Variants in NTM observed in about 807,000 individuals in gnomAD.
NTM encodes the protein IgLON family member 2.
NTM carries 13 observed loss-of-function variants against 42.1 expected under a neutral mutation model. That is an observed-to-expected ratio of 0.31 (90% confidence interval 0.20 to 0.49). The LOEUF (loss-of-function observed/expected upper bound fraction) is 0.49. Among genes scored for constraint, NTM ranks in the 20% least tolerant of loss-of-function variants. The pLI is 0.99. For synonymous variants in NTM, 187 were observed against 179.2 expected (o/e 1.04, Z -0.35); for missense variants, 373 against 452.8 (o/e 0.82, Z 1.60).
chr11:131,398,405 T>G (rs1475872625), intron 1 of NTM, among the ~76,000 whole-genome samples: 3 of 152,190 alleles, frequency 2.0e-5, no homozygotes, highest in African/African-American at 7.2e-5. Flanking sequence ...TAATGTATTT[T>G]TTTCTAATTT....
At chr11:132,043,021 A>G (rs557194) in intron 2 of NTM, among the ~76,000 whole-genome samples, 64,189 of 152,020 alleles carry the variant, frequency 0.42, 15,787 homozygotes, top group East Asian at 0.81. Flanking sequence ...AAGTATGAAG[A>G]GGCCTTGATT....
intron 7 of NTM, among the ~76,000 whole-genome samples, chr11:132,326,185 TA>T (rs563729013): frequency 5.3e-5 from 8 of 151,630 alleles, no homozygotes; most frequent in East Asian, 1.9e-4. Flanking sequence ...AAATAAAAAA[TA>T]AAAAAAGTGG....
At chr11:132,137,819 C>A (rs2068238168) in intron 2 of NTM, among the ~76,000 whole-genome samples, 1 of 152,148 alleles carries the variant, frequency 6.6e-6, no homozygotes, top group Admixed American at 6.5e-5. Context: ...GGCAGAACAA[C>A]AGGAGGCCAG....
At chr11:131,531,270 C>T (rs2051236511) in intron 1 of NTM, among the ~76,000 whole-genome samples, 2 of 152,100 alleles carry the variant, frequency 1.3e-5, no homozygotes, top group South Asian at 4.1e-4. Flanking sequence ...TGAGAAATAG[C>T]TGGGACTATA....
intron 2 of NTM, among the ~76,000 whole-genome samples, chr11:131,966,265 A>C (rs980825853): frequency 5.9e-5 from 9 of 152,202 alleles, no homozygotes; most frequent in African/African-American, 1.9e-4. Flanking sequence ...TAAGAGTTGC[A>C]GTAAAGGCAC....
intron 7 of NTM, among the ~76,000 whole-genome samples, chr11:132,320,765 T>A (rs1457433015): frequency 4.0e-5 from 6 of 151,612 alleles, no homozygotes; most frequent in Admixed American, 3.9e-4. Flanking sequence ...TCTGCAGACT[T>A]AAATGTCCCT....
rs188118720 is a variant in NTM at position 132,258,872 on chromosome 11, G to A, written c.526+46725G>A. Among the ~76,000 whole-genome samples the A allele has an allele frequency of 1.1e-3, 161 of 152,322 alleles. 1 individual carries two copies. The highest frequency in any genetic ancestry group is 1.9e-3 in the Non-Finnish European group (129 of 68,024). On this transcript the variant is annotated intron_variant, in intron 4 of 8. Transcript: ENST00000683400. ...AGTGACAGACATCCTTCGTGTGTGT[G>A]ACAGTCAAACTGAATGTTCAGTTCA...
At chr11:131,500,378 C>G (rs375568) in intron 1 of NTM, among the ~76,000 whole-genome samples, 47,180 of 151,414 alleles carry the variant, frequency 0.31, 7,521 homozygotes, top group Middle Eastern at 0.33. Context: ...TCTCAATGAA[C>G]CCTGTTCCCT....
intron 3 of NTM, among the ~76,000 whole-genome samples, chr11:132,183,588 A>G (rs945634877): frequency 4.0e-5 from 6 of 151,836 alleles, no homozygotes; most frequent in African/African-American, 7.3e-5. Flanking sequence ...TCTAAAACAG[A>G]AATCGCTACT....
intron 7 of NTM, among the ~76,000 whole-genome samples, chr11:132,320,792 G>A (rs1247619240): frequency 2.0e-5 from 3 of 151,762 alleles, no homozygotes; most frequent in African/African-American, 7.3e-5. Flanking sequence ...CAGCTTTGAA[G>A]AGAGCAGTGG....
chr11:131,633,835 G>A (rs534441982), intron 1 of NTM, among the ~76,000 whole-genome samples: 2 of 144,262 alleles, frequency 1.4e-5, no homozygotes, highest in East Asian at 4.2e-4. Context: ...GCAAACAGCT[G>A]GACATAAAAC....
At chr11:132,169,653 ACTT>A (rs369031256) in intron 3 of NTM, among the ~76,000 whole-genome samples, 1 of 151,858 alleles carries the variant, frequency 6.6e-6, no homozygotes, top group African/African-American at 2.4e-5. Flanking sequence ...CTTCTTGAAT[ACTT>A]CTTAGACTGG....
chr11:132,239,150 G>A (rs2089696115), intron 4 of NTM, among the ~76,000 whole-genome samples: 1 of 152,186 alleles, frequency 6.6e-6, no homozygotes. Context: ...TTTTAGGGCA[G>A]AGAACATTGT....
At chr11:131,747,244 A>G (rs2081938997) in intron 1 of NTM, among the ~76,000 whole-genome samples, 1 of 152,074 alleles carries the variant, frequency 6.6e-6, no homozygotes, top group African/African-American at 2.4e-5. Context: ...TGAACTTACA[A>G]CTCACTCTTT....
At chr11:131,553,381 T>A (rs963706290) in intron 1 of NTM, among the ~76,000 whole-genome samples, 1 of 152,328 alleles carries the variant, frequency 6.6e-6, no homozygotes, top group East Asian at 1.9e-4. Flanking sequence ...GAGCACGAGA[T>A]GTGTGCTGGT....
intron 1 of NTM, among the ~76,000 whole-genome samples, chr11:131,825,733 C>A (rs547692177): frequency 6.6e-6 from 1 of 152,120 alleles, no homozygotes; most frequent in African/African-American, 2.4e-5. Flanking sequence ...ATTAATAGGA[C>A]CAGTTAATGG....
At chr11:131,909,052 A>C (rs1010107074) in intron 1 of NTM, among the ~76,000 whole-genome samples, 3 of 152,232 alleles carry the variant, frequency 2.0e-5, no homozygotes, top group African/African-American at 7.2e-5. Flanking sequence ...AAGTCACCGG[A>C]GGAGAGGAGG....
intron 1 of NTM, among the ~76,000 whole-genome samples, chr11:131,786,194 T>A (rs566986336): frequency 1.3e-5 from 2 of 152,144 alleles, no homozygotes; most frequent in African/African-American, 4.8e-5. Flanking sequence ...AGCTTGAAAA[T>A]TTTTAAGACA....
Position 131,789,634 on chromosome 11 carries a change from GAAA to G in NTM, c.83-121928_83-121926del, listed in dbSNP as rs749417794. Reference sequence around the variant, plus strand: ...AGAAGAAGAAGAAGAAGAAGAAGAAGAAAAGAAGAAGAAGAAGAAGAAGAAGAA... The same window carrying G: ...AGAAGAAGAAGAAGAAGAAGAAGAAGAGAAGAAGAAGAAGAAGAAGAAGAA... On this transcript the variant is annotated intron_variant, in intron 1 of 8. Coordinates refer to ENST00000683400, the MANE Select transcript of NTM (RefSeq NM_001352005.2). 2.7e-4 allele frequency among the ~76,000 whole-genome samples: 9 copies of G among 33,828 alleles called. 1 individual carries two copies. The highest frequency in any genetic ancestry group is 1.0e-3 in the African/African-American group (8 of 8,002). The allele number at this position is 33,828 out of a possible 152,430, so 22.2% of individuals were successfully genotyped here. A position where few individuals can be genotyped will look rare whatever the true frequency, so the allele number is the denominator to read the frequency against.
Sources: gnomAD v4.1 joint callset for allele counts (sites outside exome capture counted in the v4.1 genomes callset) on GRCh38, gnomAD v4.1.1 for gene constraint, MANE v1.5 for transcripts, NCBI Gene and HGNC (gene_info 2026-07-23, HGNC 2026-07-21) for gene names.